The following ADAM7 variants were observed in gnomAD, a reference collection of about 807,000 sequenced individuals.
The protein encoded by ADAM7 is disintegrin and metalloproteinase domain-containing protein 7.
ADAM7 carries 97 observed loss-of-function variants against 102.9 expected under a neutral mutation model. That is an observed-to-expected ratio of 0.94 (90% CI 0.80 to 1.12). The LOEUF is 1.12. Ranked by LOEUF, ADAM7 falls within the 50% of genes most tolerant of loss-of-function variation. The pLI is 0.00. For missense variants in ADAM7, 991 were observed against 908.7 expected, an observed-to-expected ratio of 1.09 and a Z score of -1.16; for synonymous variants, 334 against 304.4, an observed-to-expected ratio of 1.10 and a Z score of -1.01.
intron 8 of ADAM7, among the ~76,000 whole-genome samples, chr8:24,481,105 C>T (rs1280107124): frequency 6.6e-6 from 1 of 151,022 alleles, no homozygotes; most frequent in Non-Finnish European, 1.5e-5. Flanking sequence ...CAATTCAGGG[C>T]CAAGAGGAAT....
At chr8:24,441,333 T>A (rs769286180) in intron 1 of ADAM7, among the ~76,000 whole-genome samples, 173 bp downstream of exon 1, 1 of 152,194 alleles carries the variant, frequency 6.6e-6, no homozygotes, top group Non-Finnish European at 1.5e-5. Context: ...TAATGCCATA[T>A]CACTCTTGAA....
At position 24,466,821 on chromosome 8, in the gene ADAM7, C is replaced by G. The variant is rs1287822812; in HGVS notation, c.412C>G (p.Gln138Glu). The G allele has an allele frequency of 1.2e-6, 2 of 1,613,104 alleles. No individual in the cohort carries two copies. Among genetic ancestry groups the G allele is most frequent in the South Asian group, 1.1e-5 (1 of 90,722 alleles). The stretch of plus-strand genomic sequence containing the variant: ...CAGGGGATTCTTCAGAATAAACGAC[C>G]AAAGATACCTCATTGAACCAGTGAA... ...GLRGFFRINDQRYLIEPVKYS... is the reference protein window; with the variant it reads ...GLRGFFRINDERYLIEPVKYS... The change falls in exon 6 of 22, where the codon CAA (glutamine) becomes GAA (glutamate). Residue 138 changes from glutamine to glutamate, a missense_variant. Coordinates refer to ENST00000175238, the MANE Select transcript of ADAM7 (RefSeq NM_003817.4).
intron 7 of ADAM7, chr8:24,476,013 T>G: frequency 2.2e-6 from 1 of 455,114 alleles, no homozygotes; most frequent in Non-Finnish European, 4.4e-6. Flanking sequence ...TTCCTTATTT[T>G]GTGAACACCA....
rs145904487 is a variant in ADAM7, at chr8:24,441,119, G to C, written c.11G>C (p.Gly4Ala). 1 of 1,613,706 alleles carries C rather than the reference G, an allele frequency of 6.2e-7. No homozygotes were observed. Among genetic ancestry groups the C allele is most frequent in the Admixed American group, 1.7e-5 (1 of 60,008 alleles). Residue 4 changes from glycine to alanine, a missense_variant, in exon 1 of 22, where the codon GGG becomes GCG. Coordinates refer to ENST00000175238, the MANE Select transcript of ADAM7 (RefSeq NM_003817.4). ...CCAGAATCACTCAGAATGCTTCCCG[G>C]GTGTATATTCTTGATGATTTTACTC... MLP[G>A]CIFLMILLIP...
chr8:24,479,493 C>A (rs148686059), intron 8 of ADAM7, among the ~76,000 whole-genome samples: 3 of 152,036 alleles, frequency 2.0e-5, no homozygotes, highest in African/African-American at 7.2e-5. Context: ...GGAAAGAGTT[C>A]GGTAGATTTT....
chr8:24,493,704 T>C (rs1261054754), intron 16 of ADAM7, among the ~76,000 whole-genome samples: 1 of 152,208 alleles, frequency 6.6e-6, no homozygotes, highest in Non-Finnish European at 1.5e-5. Context: ...TGTATATTGA[T>C]GTCTAAAGGA....
At chr8:24,491,843 T>TA (rs1820369078) in intron 13 of ADAM7, 60 bp from the exon 14 acceptor site, 1 of 1,386,830 alleles carries the variant, frequency 7.2e-7, no homozygotes, top group Non-Finnish European at 9.6e-7. Flanking sequence ...TCTGTCTACT[T>TA]ACGAAACCTT....
intron 7 of ADAM7, among the ~76,000 whole-genome samples, chr8:24,473,798 G>T (rs988447058): frequency 1.3e-5 from 2 of 150,450 alleles, no homozygotes; most frequent in East Asian, 2.0e-4. Flanking sequence ...TGAGAGTGAC[G>T]GTTTCCTCCG....
chr8:24,492,059 C>G lies in ADAM7; in HGVS notation c.1513C>G (p.Pro505Ala). 6.2e-7 allele frequency: 1 copy of G among 1,613,782 alleles called. No individual in the cohort carries two copies. Among genetic ancestry groups the G allele is most frequent in the Non-Finnish European group, 8.5e-7 (1 of 1,179,792 alleles). Reference protein sequence around the residue: ...SEGYCFMGKCPTREDQCSELF... With the variant: ...SEGYCFMGKCATREDQCSELF... ...AGGCTACTGTTTCATGGGGAAATGT[C>G]CAACTCGTGAGGATCAGTGCTCTGA... Residue 505 changes from proline (P) to alanine (A), a missense_variant, in exon 14 of 22, where the codon CCA becomes GCA. Pro to Ala is a conservative substitution (Grantham distance 27). Coordinates refer to ENST00000175238, the MANE Select transcript of ADAM7 (RefSeq NM_003817.4).
chr8:24,460,869 C>T (rs1018232270), intron 3 of ADAM7, among the ~76,000 whole-genome samples: 3 of 151,752 alleles, frequency 2.0e-5, no homozygotes, highest in Non-Finnish European at 4.4e-5. Context: ...TCATTTATCA[C>T]TTCTTATCTC....
chr8:24,498,714 C>T (rs7017256), intron 16 of ADAM7, among the ~76,000 whole-genome samples: 5,449 of 151,596 alleles, frequency 0.036, 336 homozygotes, highest in African/African-American at 0.12. Flanking sequence ...GGATGAATCA[C>T]GCAAAGACCA....
At chr8:24,456,545 A>G (rs956939408) in intron 3 of ADAM7, among the ~76,000 whole-genome samples, 2 of 152,108 alleles carry the variant, frequency 1.3e-5, no homozygotes, top group African/African-American at 4.8e-5. Context: ...ACATATCTAT[A>G]AAACTCCTAT....
intron 8 of ADAM7, among the ~76,000 whole-genome samples, chr8:24,477,341 G>A (rs2129386523): frequency 6.6e-6 from 1 of 152,198 alleles, no homozygotes; most frequent in Middle Eastern, 3.4e-3. Context: ...CTTGACAATG[G>A]AGCATCTACA....
chr8:24,448,612 T>C lies in ADAM7; in HGVS notation c.233+1350T>C, dbSNP rs555585040. On this transcript the variant is annotated intron_variant, in intron 3 of 21. Transcript: ENST00000175238. ...AGATTTCTATTTGTCTTTCTCTCCA[T>C]GACCACACTTTTCAACATTTCCCCT... is the stretch of plus-strand genomic sequence containing the variant. Among the ~76,000 whole-genome samples, 262 of 152,114 alleles carry C rather than the reference T, an allele frequency of 1.7e-3. 4 individuals carry two copies. Among genetic ancestry groups the C allele is most frequent in the South Asian group, 1.9e-3 (9 of 4,818 alleles).
At chr8:24,453,414 C>T (rs1396722406) in intron 3 of ADAM7, among the ~76,000 whole-genome samples, 1 of 152,186 alleles carries the variant, frequency 6.6e-6, no homozygotes, top group African/African-American at 2.4e-5. Context: ...TCTTCCATCA[C>T]TGATACCCTT....
intron 3 of ADAM7, among the ~76,000 whole-genome samples, chr8:24,454,385 C>T (rs1585860268): frequency 3.3e-5 from 5 of 152,294 alleles, no homozygotes; most frequent in South Asian, 4.1e-4. Flanking sequence ...GCCTCGCTGC[C>T]GCCTTGCAGT....
chr8:24,445,137 C>T (rs1158589817), intron 2 of ADAM7, among the ~76,000 whole-genome samples: 1 of 151,910 alleles, frequency 6.6e-6, no homozygotes, highest in East Asian at 1.9e-4. Flanking sequence ...GTTCCATTGC[C>T]ACCATTACAC....
chr8:24,487,491 A>G (rs1820181873), intron 11 of ADAM7, among the ~76,000 whole-genome samples, 174 bp downstream of exon 11: 1 of 152,062 alleles, frequency 6.6e-6, no homozygotes, highest in Admixed American at 6.6e-5. Flanking sequence ...TACTAAAAAT[A>G]CAAAATTAGC....
At chr8:24,467,476 C>A (rs768605002) in intron 6 of ADAM7, 25 of 160,750 alleles carry the variant, frequency 1.6e-4, no homozygotes, top group Admixed American at 6.9e-4. Flanking sequence ...TTCTATACAA[C>A]TAATCCATAT....
Sources: allele counts gnomAD v4.1 joint callset (sites outside exome capture counted in the v4.1 genomes callset), GRCh38; gene constraint gnomAD v4.1.1; transcripts MANE v1.5; gene names NCBI Gene and HGNC (gene_info 2026-07-23, HGNC 2026-07-21).